ANKH: variants seen among roughly 807,000 people sequenced by gnomAD.
The protein encoded by ANKH is ANKH inorganic pyrophosphate transport regulator.
ANKH carries 15 observed loss-of-function variants against 49.0 expected under a neutral mutation model. The observed-to-expected ratio is 0.31, with a 90% CI of 0.20 to 0.47. The LOEUF (loss-of-function observed/expected upper bound fraction) is 0.47, where lower values mean the gene tolerates loss of function less well. ANKH is among the 20% of genes least tolerant of loss of function. The pLI, the probability that ANKH is intolerant of heterozygous loss-of-function variation, is 1.00. For missense variants in ANKH, 429 were observed against 652.0 expected, an observed-to-expected ratio of 0.66 and a Z score of 3.72; for synonymous variants, 273 against 260.0, an observed-to-expected ratio of 1.05 and a Z score of -0.48.
chr5:14,820,675 C>G (rs1419969144), intron 1 of ANKH, among the ~76,000 whole-genome samples: 3 of 152,152 alleles, frequency 2.0e-5, no homozygotes, highest in African/African-American at 7.2e-5. Flanking sequence ...ACTAAACTGA[C>G]TTGGAAGAAT....
intron 8 of ANKH, among the ~76,000 whole-genome samples, chr5:14,724,259 G>A (rs1446955935): frequency 1.3e-5 from 2 of 152,182 alleles, no homozygotes; most frequent in Admixed American, 6.5e-5. Context: ...AGAGGTTGCA[G>A]TGAGCTGAGA....
chr5:14,759,840 G>GAAGGGAAGGA (rs1349244684), intron 2 of ANKH, among the ~76,000 whole-genome samples: 3 of 83,476 alleles, frequency 3.6e-5, no homozygotes, highest in Non-Finnish European at 7.6e-5. Context: ...AAAGGGAAGG[G>GAAGGGAAGGA]AAGGGAAGGA....
chr5:14,855,848 G>GAAAAAAAAAAAAAAACAAAAAA (rs796584176), intron 1 of ANKH, among the ~76,000 whole-genome samples: 1 of 119,880 alleles, frequency 8.3e-6, no homozygotes. Flanking sequence ...AAAAGAAAAA[G>GAAAAAAAAAAAAAAACAAAAAA]AAAAAAAAAA....
At chr5:14,765,957 T>G (rs1378704307) in intron 2 of ANKH, among the ~76,000 whole-genome samples, 1 of 152,196 alleles carries the variant, frequency 6.6e-6, no homozygotes, top group Non-Finnish European at 1.5e-5. Flanking sequence ...AGTGTCAAAG[T>G]TCATCCAGAC....
intron 1 of ANKH, among the ~76,000 whole-genome samples, chr5:14,862,822 T>G (rs1188050586): frequency 6.6e-6 from 1 of 152,208 alleles, no homozygotes; most frequent in Non-Finnish European, 1.5e-5. Flanking sequence ...TCCTTGACTT[T>G]TCAAAAATCA....
intron 1 of ANKH, among the ~76,000 whole-genome samples, chr5:14,820,078 G>A (rs1423172235): frequency 6.6e-6 from 1 of 152,038 alleles, no homozygotes; most frequent in East Asian, 1.9e-4. Flanking sequence ...AGAGAAACCA[G>A]TATTTTATAA....
intron 8 of ANKH, among the ~76,000 whole-genome samples, chr5:14,732,726 A>T (rs2126450427): frequency 6.6e-6 from 1 of 152,236 alleles, no homozygotes; most frequent in East Asian, 1.9e-4. Flanking sequence ...TCTGTGTGGC[A>T]TCTGGGGAAA....
chr5:14,830,510 A>T (rs202062878), intron 1 of ANKH, among the ~76,000 whole-genome samples: 13 of 147,388 alleles, frequency 8.8e-5, no homozygotes, highest in Non-Finnish European at 1.4e-4. Flanking sequence ...AGGTAGGGGG[A>T]GTGTGTGTGT....
At chr5:14,777,470 A>G (rs904064603) in intron 1 of ANKH, among the ~76,000 whole-genome samples, 2 of 152,140 alleles carry the variant, frequency 1.3e-5, no homozygotes, top group African/African-American at 4.8e-5. Context: ...TATAACCTCC[A>G]CGGAAATGTT....
intron 1 of ANKH, among the ~76,000 whole-genome samples, chr5:14,799,108 G>A (rs1740486138): frequency 6.6e-6 from 1 of 152,208 alleles, no homozygotes; most frequent in African/African-American, 2.4e-5. Context: ...AAGTTTGAGT[G>A]GTCTGGAAAG....
intron 1 of ANKH, among the ~76,000 whole-genome samples, chr5:14,793,033 T>TAA (rs71307307): frequency 1.3e-4 from 9 of 68,752 alleles, no homozygotes; most frequent in South Asian, 8.0e-4. Context: ...TATATATATA[T>TAA]AAAAATATAT....
intron 1 of ANKH, among the ~76,000 whole-genome samples, chr5:14,844,455 T>C (rs1324014723): frequency 6.6e-6 from 1 of 152,362 alleles, no homozygotes; most frequent in East Asian, 1.9e-4. Flanking sequence ...AAGAAAGACA[T>C]GAATGCTGTT....
intron 9 of ANKH, among the ~76,000 whole-genome samples, chr5:14,715,309 TTAG>T (rs1389366312): frequency 6.6e-6 from 1 of 152,194 alleles, no homozygotes; most frequent in Non-Finnish European, 1.5e-5. Context: ...TTTTTTGTAT[TTAG>T]TAGAGACGGG....
intron 1 of ANKH, among the ~76,000 whole-genome samples, chr5:14,864,873 TTA>T (rs1428370461): frequency 6.6e-6 from 1 of 152,150 alleles, no homozygotes; most frequent in African/African-American, 2.4e-5. Context: ...ACACCATTTT[TTA>T]TATGTGTGTA....
At chr5:14,716,984 C>T (rs1429394125) in intron 8 of ANKH, 149 bp from the exon 9 acceptor site, 2 of 955,240 alleles carry the variant, frequency 2.1e-6, no homozygotes, top group Non-Finnish European at 3.2e-6. Context: ...AGATCTGCCA[C>T]CTGCTTGCTT....
Position 14,745,384 on chromosome 5 carries a change from A to G in ANKH, c.915+486T>C, listed in dbSNP as rs1738499707. On this transcript the variant is annotated intron_variant, in intron 7 of 11. Transcript: ENST00000284268. This position sits in a 1 kb window ranked among gnomAD's most constrained non-coding sequence, Gnocchi z 4.7. ...CAGCTGTCAACAGGCTTTCCACTGG[A>G]ATACGTCTGCAATATCAAAACACTG... Among the ~76,000 whole-genome samples, 1 of 152,142 alleles carries G rather than the reference A, an allele frequency of 6.6e-6. No individual in the cohort carries two copies. Among genetic ancestry groups the G allele is most frequent in the Non-Finnish European group, 1.5e-5 (1 of 68,014 alleles).
chr5:14,754,901 C>A (rs1738831124), intron 4 of ANKH, among the ~76,000 whole-genome samples: 1 of 152,004 alleles, frequency 6.6e-6, no homozygotes, highest in South Asian at 2.1e-4. Context: ...TATGAAGAAG[C>A]CCCATCTCTA....
intron 2 of ANKH, among the ~76,000 whole-genome samples, chr5:14,765,926 A>C (rs1374955071): frequency 1.3e-5 from 2 of 152,240 alleles, no homozygotes; most frequent in Non-Finnish European, 2.9e-5. Flanking sequence ...GTAAATTATT[A>C]GTAAATAGTG....
intron 8 of ANKH, among the ~76,000 whole-genome samples, chr5:14,723,989 G>A (rs1737747572): frequency 6.6e-6 from 1 of 152,162 alleles, no homozygotes; most frequent in Admixed American, 6.5e-5. Flanking sequence ...ATTTGGTTGA[G>A]CCTAACGTTG....
Sources: gnomAD v4.1 joint callset for allele counts (sites outside exome capture counted in the v4.1 genomes callset) on GRCh38, gnomAD v4.1.1 for gene constraint, Gnocchi (gnomAD v3.1) non-coding constraint, MANE v1.5 for transcripts, NCBI Gene and HGNC (gene_info 2026-07-23, HGNC 2026-07-21) for gene names.